The following MKLN1 variants were observed in gnomAD, a reference collection of about 807,000 sequenced individuals.
MKLN1 encodes the protein muskelin 1.
A neutral mutation model predicts 99.0 loss-of-function variants in MKLN1; 18 were observed. The observed-to-expected ratio is 0.18, with a 90% CI of 0.13 to 0.27. The LOEUF is 0.27. MKLN1 is among the 10% of genes least tolerant of loss of function. The pLI, the probability that MKLN1 is intolerant of heterozygous loss-of-function variation, is 1.00. For synonymous variants in MKLN1, 288 were observed against 293.2 expected (o/e 0.98, Z 0.18); for missense variants, 621 against 875.9 (o/e 0.71, Z 3.67).
chr7:131,468,585 T>G (rs1271966225), intron 15 of MKLN1, among the ~76,000 whole-genome samples: 4 of 152,202 alleles, frequency 2.6e-5, no homozygotes, highest in African/African-American at 9.6e-5. Context: ...TCACTTGATA[T>G]AATAAATAAA....
intron 1 of MKLN1, among the ~76,000 whole-genome samples, chr7:131,123,555 C>T (rs747749290): frequency 7.9e-5 from 12 of 152,140 alleles, no homozygotes; most frequent in African/African-American, 1.7e-4. Flanking sequence ...TGGCCTGTGA[C>T]GAGGCAGGTG....
chr7:131,373,918 TCTTTC>T (rs1793548863), intron 1 of MKLN1, among the ~76,000 whole-genome samples: 1 of 151,948 alleles, frequency 6.6e-6, no homozygotes, highest in East Asian at 1.9e-4. Flanking sequence ...AGTTTCTCAG[TCTTTC>T]CTTGTTTTTT....
At position 131,487,777 on chromosome 7, in the gene MKLN1, T is replaced by C; in HGVS notation, c.*49T>C. ...ATGGAAAACAGGAGTCGATTTTCCG[T>C]CTTTTGGATTGCAGCTCCACTGACT... On this transcript the variant is annotated 3_prime_UTR_variant, in exon 18 of 18. Transcript: ENST00000352689. The surrounding 1 kb of genome is among the most constrained non-coding windows in gnomAD (Gnocchi z 4.7). The C allele has an allele frequency of 6.3e-7, 1 of 1,595,448 alleles. No homozygotes were observed. The highest frequency in any genetic ancestry group is 8.5e-7 in the Non-Finnish European group (1 of 1,171,484).
At chr7:131,402,017 A>AT (rs1274878054) in intron 6 of MKLN1, among the ~76,000 whole-genome samples, 1 of 152,050 alleles carries the variant, frequency 6.6e-6, no homozygotes, top group Admixed American at 6.5e-5. Context: ...CAAAAATGAA[A>AT]TTTGCTGCAT....
At chr7:131,378,603 G>A (rs1255054090) in intron 2 of MKLN1, among the ~76,000 whole-genome samples, 1 of 152,192 alleles carries the variant, frequency 6.6e-6, no homozygotes, top group Non-Finnish European at 1.5e-5. Context: ...GCCAAGACGG[G>A]TGGATCACTT....
In MKLN1 at chr7:131,142,117, C is replaced by CA. The variant is rs749533088; in HGVS notation, c.-418-695dup. Among the ~76,000 whole-genome samples, 328 of 150,560 alleles carry CA rather than the reference C, an allele frequency of 2.2e-3. 1 individual carries two copies. Among genetic ancestry groups the CA allele is most frequent in the Non-Finnish European group, 3.7e-3 (250 of 67,508 alleles). The stretch of plus-strand genomic sequence containing the variant: ...CATGGCAAGTCTCTCTCTACAAAAA[C>CA]AAAAAAAAGGCAGGGCACGGTGGCT... On this transcript the variant is annotated intron_variant, in intron 1 of 7. Coordinates refer to the MKLN1 transcript ENST00000416992.
intron 17 of MKLN1, among the ~76,000 whole-genome samples, chr7:131,484,947 CAATA>C (rs1797232542): frequency 6.6e-6 from 1 of 151,702 alleles, no homozygotes; most frequent in South Asian, 2.1e-4. Context: ...TTAGAATTAA[CAATA>C]AAAGCATGAA....
intron 2 of MKLN1, among the ~76,000 whole-genome samples, chr7:131,189,547 CA>C (rs1563246176): frequency 3.2e-5 from 2 of 61,660 alleles, no homozygotes; most frequent in Non-Finnish European, 3.5e-5. Context: ...AAAAAAAAAA[CA>C]CAAAACTCCC....
At chr7:131,219,479 G>A (rs1216006160) in intron 3 of MKLN1, among the ~76,000 whole-genome samples, 2 of 152,074 alleles carry the variant, frequency 1.3e-5, no homozygotes, top group African/African-American at 4.8e-5. Flanking sequence ...ATTTGTCCTG[G>A]TCACACCAAC....
intron 12 of MKLN1, among the ~76,000 whole-genome samples, chr7:131,447,519 G>C (rs754656019): frequency 5.3e-5 from 8 of 152,152 alleles, no homozygotes; most frequent in Non-Finnish European, 1.2e-4. Context: ...GGGCAGCATA[G>C]TTAGCCCTCA....
intron 2 of MKLN1, among the ~76,000 whole-genome samples, chr7:131,149,680 T>A (rs983220437): frequency 1.3e-5 from 2 of 152,178 alleles, no homozygotes; most frequent in African/African-American, 4.8e-5. Flanking sequence ...AAGCTATGAG[T>A]ACATGAATAG....
intron 3 of MKLN1, among the ~76,000 whole-genome samples, chr7:131,288,062 G>A (rs755972341): frequency 5.9e-4 from 90 of 152,196 alleles, no homozygotes; most frequent in Non-Finnish European, 8.7e-4. Flanking sequence ...TTAAATTATA[G>A]CAGTGTGACA....
chr7:131,403,009 T>G lies in MKLN1; in HGVS notation c.703+3576T>G, dbSNP rs1794595171. Among the ~76,000 whole-genome samples, 6 of 152,186 alleles carry G rather than the reference T, an allele frequency of 3.9e-5. No individual in the cohort carries two copies. In the South Asian group the frequency reaches 1.2e-3, roughly 31 times the overall value. On this transcript the variant is annotated intron_variant, in intron 6 of 17. Transcript: ENST00000352689. ...CCCTTGCAAGACAGTCACACTATCC[T>G]TTAAAGCTTTGAAGCCAGGCATTGA... is the stretch of plus-strand genomic sequence containing the variant.
intron 1 of MKLN1, 172 bp downstream of exon 1, chr7:131,328,169 C>G (rs528311907): frequency 6.2e-6 from 5 of 811,592 alleles, no homozygotes; most frequent in Non-Finnish European, 5.7e-6. Flanking sequence ...CGGCCTCGCT[C>G]GGGAAGGGGT....
chr7:131,134,110 A>C lies in MKLN1; in HGVS notation c.-418-8710A>C, dbSNP rs546791360. Among the ~76,000 whole-genome samples, 46 of 152,114 alleles carry C rather than the reference A, an allele frequency of 3.0e-4. 1 individual carries two copies. The highest frequency in any genetic ancestry group is 1.0e-3 in the African/African-American group (43 of 41,472). On this transcript the variant is annotated intron_variant, in intron 1 of 7. Coordinates refer to the MKLN1 transcript ENST00000416992. ...CTCCCAAAGTGCTGGGATTACAGGCATGAGCCAACGCGCCCGGCCAGCTGA... is the reference window on the plus strand; with the variant it reads ...CTCCCAAAGTGCTGGGATTACAGGCCTGAGCCAACGCGCCCGGCCAGCTGA...
At chr7:131,353,238 G>A (rs1188949561) in intron 1 of MKLN1, among the ~76,000 whole-genome samples, 1 of 152,088 alleles carries the variant, frequency 6.6e-6, no homozygotes, top group African/African-American at 2.4e-5. Flanking sequence ...ATGTATGAGG[G>A]ATCCAGTTTC....
intron 1 of MKLN1, among the ~76,000 whole-genome samples, chr7:131,360,466 G>C (rs1799997551): frequency 1.3e-5 from 2 of 151,906 alleles, no homozygotes; most frequent in Non-Finnish European, 2.9e-5. Context: ...TTTTTAACTT[G>C]TTTTTAGTGG....
intron 3 of MKLN1, among the ~76,000 whole-genome samples, chr7:131,298,164 G>T (rs866257323): frequency 6.6e-6 from 1 of 152,038 alleles, no homozygotes; most frequent in Non-Finnish European, 1.5e-5. Flanking sequence ...CCAGATACTC[G>T]GGAGGCTGAG....
At chr7:131,471,133 C>G (rs932656415) in intron 16 of MKLN1, 189 bp downstream of exon 16, 1 of 496,390 alleles carries the variant, frequency 2.0e-6, no homozygotes, top group Non-Finnish European at 3.6e-6. Context: ...TGATAAGATT[C>G]AAGTCACCAA....
Sources: allele counts gnomAD v4.1 joint callset (sites outside exome capture counted in the v4.1 genomes callset), GRCh38; gene constraint gnomAD v4.1.1; non-coding constraint Gnocchi (gnomAD v3.1); transcripts MANE v1.5; gene names NCBI Gene and HGNC (gene_info 2026-07-23, HGNC 2026-07-21).